Variants in SLC3A1 observed in about 807,000 individuals in gnomAD.
The protein encoded by SLC3A1 is solute carrier family 3 member 1, also known as amino acid transporter heavy chain SLC3A1.
A neutral mutation model predicts 60.3 loss-of-function variants in SLC3A1; 78 were observed. The ratio of observed to expected loss-of-function variants is 1.29; its 90% CI spans 1.08 to 1.56. The LOEUF is 1.56. Among genes scored for constraint, SLC3A1 ranks in the 40% most tolerant of loss-of-function variants. SLC3A1 has a pLI of 0.00. For synonymous variants in SLC3A1, 392 were observed against 307.9 expected (o/e 1.27, Z -2.86); for missense variants, 1,172 against 858.9 (o/e 1.36, Z -4.56).
Position 44,320,495 on chromosome 2 carries a change from T to G in SLC3A1, c.1914T>G (p.Ile638Met). The change falls in exon 10 of 10, where the codon ATT (isoleucine) becomes ATG (methionine). Residue 638 changes from isoleucine (I) to methionine (M), a missense_variant. Physicochemically the swap from Ile to Met is conservative, Grantham distance 10 (BLOSUM62 1). Transcript: ENST00000260649. ...GCAGTAAAGTTGATACAAGTGGCATTTTTCTGGACAAGGGAGAGGGACTCA... is the reference window on the plus strand; with the variant it reads ...GCAGTAAAGTTGATACAAGTGGCATGTTTCTGGACAAGGGAGAGGGACTCA... ...DKGSKVDTSG[I>M]FLDKGEGLIF... is the part of the protein sequence containing the mutation. 6.2e-7 allele frequency: 1 copy of G among 1,614,148 alleles called. No individual in the cohort carries two copies. Among genetic ancestry groups the G allele is most frequent in the Non-Finnish European group, 8.5e-7 (1 of 1,180,010 alleles).
At chr2:44,318,610 A>G (rs1572825676) in intron 9 of SLC3A1, 2 of 11,024 alleles carry the variant, frequency 1.8e-4, no homozygotes, top group African/African-American at 7.7e-4. Flanking sequence ...GAAATGATAC[A>G]TTCTGTGCCT....
intron 7 of SLC3A1, 62 bp downstream of exon 7, chr2:44,304,400 T>C: frequency 3.1e-6 from 4 of 1,297,818 alleles, no homozygotes; most frequent in Non-Finnish European, 4.5e-6. Context: ...TCCAGTTATC[T>C]CTAAAATGCA....
At chr2:44,305,936 C>T (rs1572809655) in intron 7 of SLC3A1, among the ~76,000 whole-genome samples, 1 of 152,262 alleles carries the variant, frequency 6.6e-6, no homozygotes, top group South Asian at 2.1e-4. Context: ...CCCGTTCATT[C>T]TCTTTCCTTA....
At chr2:44,303,597 A>G (rs560129709) in intron 6 of SLC3A1, among the ~76,000 whole-genome samples, 2 of 151,512 alleles carry the variant, frequency 1.3e-5, no homozygotes, top group Non-Finnish European at 2.9e-5. Flanking sequence ...TTTTATTATT[A>G]TACTTTTAGT....
chr2:44,294,896 T>C (rs888652592), intron 4 of SLC3A1, among the ~76,000 whole-genome samples: 1 of 152,042 alleles, frequency 6.6e-6, no homozygotes, highest in African/African-American at 2.4e-5. Context: ...GTCTTCTGTT[T>C]GTTTTTTTGG....
At chr2:44,321,593 G>A, downstream of SLC3A1, 2 of 1,486,444 alleles carry the variant, frequency 1.3e-6, no homozygotes, top group South Asian at 1.4e-5. Context: ...GAGGCAGAAG[G>A]CTTCCAACAA....
At chr2:44,309,068 T>G (rs1205613360) in intron 7 of SLC3A1, among the ~76,000 whole-genome samples, 1 of 152,144 alleles carries the variant, frequency 6.6e-6, no homozygotes, top group Non-Finnish European at 1.5e-5. Flanking sequence ...TATTGCAAAA[T>G]ATACATAAAA....
chr2:44,321,988 TAC>T, downstream of SLC3A1: 1 of 1,331,868 alleles, frequency 7.5e-7, no homozygotes, highest in Non-Finnish European at 1.0e-6. Context: ...CTTCTTTGAG[TAC>T]TCAGTTCAAA....
chr2:44,320,051 C>T (rs1187862734), intron 9 of SLC3A1, 148 bp from the exon 10 acceptor site: 5 of 645,514 alleles, frequency 7.7e-6, no homozygotes, highest in Non-Finnish European at 1.3e-5. Context: ...TTGTTCTTAC[C>T]TACTTATTGA....
chr2:44,291,468 C>T (rs1671738287), intron 4 of SLC3A1, among the ~76,000 whole-genome samples: 1 of 152,144 alleles, frequency 6.6e-6, no homozygotes, highest in Non-Finnish European at 1.5e-5. Flanking sequence ...TGGCTGAAAT[C>T]CCTCATGTGA....
intron 1 of SLC3A1, among the ~76,000 whole-genome samples, chr2:44,279,547 C>G (rs1054875802): frequency 2.7e-5 from 4 of 150,926 alleles, no homozygotes; most frequent in African/African-American, 9.8e-5. Context: ...TGCCTGCAGA[C>G]ACTTCCGAGA....
chr2:44,280,706 T>C lies in SLC3A1; in HGVS notation c.431-10T>C. ...TAGGGTTTATTCATGACTTTGACTT[T>C]TTTCTTCAGGTATTCAAGATAAACT... On this transcript the variant is annotated splice_polypyrimidine_tract_variant and intron_variant, in intron 1 of 9. Coordinates refer to ENST00000260649, the MANE Select transcript of SLC3A1 (RefSeq NM_000341.4). The C allele has an allele frequency of 3.1e-6, 5 of 1,597,322 alleles. No individual in the cohort carries two copies. The highest frequency in any genetic ancestry group is 4.3e-6 in the Non-Finnish European group (5 of 1,165,428).
chr2:44,301,201 T>C (rs1671998179), intron 6 of SLC3A1, 74 bp downstream of exon 6: 1 of 1,582,190 alleles, frequency 6.3e-7, no homozygotes, highest in Non-Finnish European at 8.7e-7. Flanking sequence ...CACAACCAAG[T>C]GTATTTGGAG....
chr2:44,321,220 T>C lies in SLC3A1; in HGVS notation c.*581T>C, dbSNP rs1672910304. ...AAGTGAGATGTAGACTAAGCAAAAT[T>C]TAGATGGAGAAGCACATTTTAAAAA... On this transcript the variant is annotated 3_prime_UTR_variant, in exon 10 of 10. Transcript: ENST00000260649. The C allele has an allele frequency of 9.1e-6, 7 of 772,952 alleles. No individual in the cohort carries two copies. In the South Asian group the frequency reaches 1.3e-4, roughly 15 times the overall value. 47.9% of individuals were successfully genotyped at this position (772,952 alleles called of 1,614,324 possible).
chr2:44,299,824 A>G (rs1671957354), intron 4 of SLC3A1, 147 bp from the exon 5 acceptor site: 3 of 826,350 alleles, frequency 3.6e-6, no homozygotes, highest in Non-Finnish European at 6.0e-6. Context: ...TATGCTAAAT[A>G]GATAAAAATA....
At chr2:44,300,561 C>G (rs915493753) in intron 5 of SLC3A1, among the ~76,000 whole-genome samples, 1 of 151,626 alleles carries the variant, frequency 6.6e-6, no homozygotes, top group Non-Finnish European at 1.5e-5. Context: ...TACTGAAACC[C>G]CGAGAAAGTA....
At position 44,280,777 on chromosome 2, in the gene SLC3A1, A is replaced by G. The variant is rs1387815542; in HGVS notation, c.492A>G (p.Ser164=). ...ALNIKTVWIT[S]FYKSSLKDFR... is the part of the protein sequence containing the mutation. Reference sequence around the variant, plus strand: ...ATATAAAAACTGTTTGGATTACTTCATTTTATAAATCGTCCCTTAAAGATT... The same window carrying G: ...ATATAAAAACTGTTTGGATTACTTCGTTTTATAAATCGTCCCTTAAAGATT... Residue 164 remains serine (S), a synonymous_variant, in exon 2 of 10, where the codon TCA becomes TCG. Transcript: ENST00000260649. 1 of 1,612,380 alleles carries G rather than the reference A, an allele frequency of 6.2e-7. No homozygotes were observed. Among genetic ancestry groups the G allele is most frequent in the South Asian group, 1.1e-5 (1 of 91,056 alleles).
chr2:44,301,152 T>G (rs1671996428), intron 6 of SLC3A1, 25 bp downstream of exon 6: 1 of 1,614,006 alleles, frequency 6.2e-7, no homozygotes, highest in African/African-American at 1.3e-5. Flanking sequence ...ATGCTCTCAT[T>G]TCTTCCCAGG....
intron 5 of SLC3A1, among the ~76,000 whole-genome samples, chr2:44,300,294 G>C (rs1377297427): frequency 2.0e-5 from 3 of 152,164 alleles, no homozygotes; most frequent in Non-Finnish European, 4.4e-5. Flanking sequence ...CCTCCAGAGC[G>C]AGGGATCCCT....
Sources: gnomAD v4.1 joint callset for allele counts (sites outside exome capture counted in the v4.1 genomes callset) on GRCh38, gnomAD v4.1.1 for gene constraint, MANE v1.5 for transcripts, NCBI Gene and HGNC (gene_info 2026-07-23, HGNC 2026-07-21) for gene names.